Variants in HS3ST4 observed in about 807,000 individuals in gnomAD.
HS3ST4 encodes heparan sulfate-glucosamine 3-sulfotransferase 4, also known as heparan sulfate glucosamine 3-O-sulfotransferase 4.
Under a neutral mutation model 29.2 loss-of-function variants are expected in HS3ST4, and 17 were observed. The ratio of observed to expected loss-of-function variants is 0.58; its 90% CI spans 0.40 to 0.87. The LOEUF (loss-of-function observed/expected upper bound fraction) is 0.87. HS3ST4 is among the 40% of genes least tolerant of loss of function. The pLI, the probability that HS3ST4 is intolerant of heterozygous loss-of-function variation, is 0.00. For synonymous variants in HS3ST4, 314 were observed against 285.7 expected (o/e 1.10, Z -1.00); for missense variants, 627 against 634.5 (o/e 0.99, Z 0.13).
chr16:25,887,212 G>T (rs1047119039), intron 1 of HS3ST4, among the ~76,000 whole-genome samples: 2 of 152,112 alleles, frequency 1.3e-5, no homozygotes, highest in African/African-American at 4.8e-5. Flanking sequence ...GGAAGTTTCC[G>T]TTCTTTAGGC....
chr16:25,851,390 G>C, intron 1 of HS3ST4, among the ~76,000 whole-genome samples: 1 of 152,232 alleles, frequency 6.6e-6, no homozygotes, highest in East Asian at 1.9e-4. Flanking sequence ...TACAGAGCGG[G>C]CTCTTTGAGT....
chr16:25,699,901 G>A (rs1304354081), intron 1 of HS3ST4, among the ~76,000 whole-genome samples: 1 of 152,164 alleles, frequency 6.6e-6, no homozygotes, highest in East Asian at 1.9e-4. Flanking sequence ...CCTATGTAGA[G>A]CTTGTGACAG....
intron 1 of HS3ST4, among the ~76,000 whole-genome samples, chr16:25,880,843 G>A (rs1967887175): frequency 6.6e-6 from 1 of 152,232 alleles, no homozygotes; most frequent in Non-Finnish European, 1.5e-5. Context: ...TAAAGAGTAT[G>A]ACTCCAGTTA....
rs1490833577 is a variant in HS3ST4 at position 25,864,985 on chromosome 16, T to TACACACTC, written c.734+171841_734+171848dup. Among the ~76,000 whole-genome samples the TACACACTC allele has an allele frequency of 2.2e-5, 3 of 135,044 alleles. No homozygotes were observed. The East Asian group carries it at 7.4e-4, about 33-fold the overall frequency. 88.6% of individuals were successfully genotyped at this position (135,044 alleles called of 152,430 possible). On this transcript the variant is annotated intron_variant, in intron 1 of 1. Coordinates refer to ENST00000331351, the MANE Select transcript of HS3ST4 (RefSeq NM_006040.3). ...ATATACACACATACTCACACACACATACACACTCACACACACAAACACACA... is the reference window on the plus strand; with the variant it reads ...ATATACACACATACTCACACACACATACACACTCACACACTCACACACACAAACACACA...
chr16:26,054,324 AAGAAG>A (rs966281581), intron 1 of HS3ST4, among the ~76,000 whole-genome samples: 15 of 146,522 alleles, frequency 1.0e-4, no homozygotes, highest in African/African-American at 3.3e-4. Context: ...GAAGAAGAAG[AAGAAG>A]AGAAGAAGAA....
chr16:25,990,516 C>A (rs559955148), intron 1 of HS3ST4, among the ~76,000 whole-genome samples: 1 of 152,214 alleles, frequency 6.6e-6, no homozygotes, highest in Non-Finnish European at 1.5e-5. Flanking sequence ...TAATGCATAT[C>A]CAAAGAGACG....
In HS3ST4 at chr16:26,135,801, C is replaced by A; in HGVS notation, c.924C>A (p.Ile308=). Residue 308 remains isoleucine, a synonymous_variant, in exon 2 of 2, where the codon ATC becomes ATA. Coordinates refer to ENST00000331351, the MANE Select transcript of HS3ST4 (RefSeq NM_006040.3). ...AGACACTGTCAAAGAAACCCGAGAT[C>A]CCCACCTTTGAGGTGCTGGCCTTCA... ...YTQTLSKKPE[I]PTFEVLAFKN... 2 of 1,614,104 alleles carry A rather than the reference C, an allele frequency of 1.2e-6. No homozygotes were observed. The highest frequency in any genetic ancestry group is 1.3e-5 in the African/African-American group (1 of 75,044).
intron 1 of HS3ST4, among the ~76,000 whole-genome samples, chr16:25,760,480 G>A (rs942843542): frequency 2.7e-5 from 4 of 150,924 alleles, no homozygotes; most frequent in African/African-American, 4.9e-5. Flanking sequence ...GTGCAGTGGA[G>A]CAATCTGGGC....
At chr16:25,888,843 G>A (rs1240958626) in intron 1 of HS3ST4, among the ~76,000 whole-genome samples, 1 of 152,172 alleles carries the variant, frequency 6.6e-6, no homozygotes, top group East Asian at 1.9e-4. Context: ...ATGCTTGGAG[G>A]CCTGGAAGCT....
intron 1 of HS3ST4, among the ~76,000 whole-genome samples, chr16:25,749,417 C>T (rs1966704845): frequency 6.6e-6 from 1 of 152,068 alleles, no homozygotes; most frequent in South Asian, 2.1e-4. Flanking sequence ...ATCACCTGAA[C>T]CTGGGAAGTT....
chr16:25,847,797 A>G lies in HS3ST4; in HGVS notation c.734+154646A>G, dbSNP rs570728802. On this transcript the variant is annotated intron_variant, in intron 1 of 1. Coordinates refer to ENST00000331351, the MANE Select transcript of HS3ST4 (RefSeq NM_006040.3). ...GTGGCTAATTTCAGAAATCCTAATG[A>G]TGGATCATTATATCATTCCTGAGAA... Among the ~76,000 whole-genome samples the G allele has an allele frequency of 9.2e-5, 14 of 152,320 alleles. No homozygotes were observed. The South Asian group carries it at 2.9e-3, about 32-fold the overall frequency.
At chr16:25,942,284 C>A (rs1004518082) in intron 1 of HS3ST4, among the ~76,000 whole-genome samples, 1 of 152,166 alleles carries the variant, frequency 6.6e-6, no homozygotes, top group Non-Finnish European at 1.5e-5. Flanking sequence ...GGATTCTGAA[C>A]AATCTGGCCG....
chr16:25,702,516 C>CATTTCTTTCT (rs1248841701), intron 1 of HS3ST4, among the ~76,000 whole-genome samples: 1 of 152,132 alleles, frequency 6.6e-6, no homozygotes, highest in East Asian at 1.9e-4. Flanking sequence ...TCTAGGGTGG[C>CATTTCTTTCT]ATTTCTTTCT....
At chr16:26,091,298 G>A (rs1004862820) in intron 1 of HS3ST4, among the ~76,000 whole-genome samples, 2 of 152,134 alleles carry the variant, frequency 1.3e-5, no homozygotes, top group Non-Finnish European at 2.9e-5. Context: ...ATGTGATCAG[G>A]TGTGTTGTTG....
intron 1 of HS3ST4, among the ~76,000 whole-genome samples, chr16:26,081,369 C>A (rs1437213443): frequency 1.3e-5 from 2 of 151,918 alleles, no homozygotes; most frequent in African/African-American, 2.4e-5. Flanking sequence ...CACTGAGCCA[C>A]AGGATTTTGT....
At chr16:25,997,949 T>C (rs1437087748) in intron 1 of HS3ST4, among the ~76,000 whole-genome samples, 1 of 152,166 alleles carries the variant, frequency 6.6e-6, no homozygotes, top group African/African-American at 2.4e-5. Flanking sequence ...AAATAATGAA[T>C]ATTCAGCCAG....
chr16:25,857,523 G>A (rs1967585821), intron 1 of HS3ST4, among the ~76,000 whole-genome samples: 1 of 152,038 alleles, frequency 6.6e-6, no homozygotes, highest in Non-Finnish European at 1.5e-5. Context: ...TTGCTTCTGT[G>A]TCCCTAAGTG....
intron 1 of HS3ST4, among the ~76,000 whole-genome samples, chr16:25,840,563 G>A (rs1026149879): frequency 2.0e-5 from 3 of 152,058 alleles, no homozygotes; most frequent in Non-Finnish European, 4.4e-5. Flanking sequence ...ATATTATGAT[G>A]GTAAAGATAA....
At chr16:25,792,990 T>A (rs1003392944) in intron 1 of HS3ST4, among the ~76,000 whole-genome samples, 4 of 152,074 alleles carry the variant, frequency 2.6e-5, no homozygotes, top group East Asian at 1.9e-4. Flanking sequence ...ATAAATATTT[T>A]CTAATTTTTA....
Sources: allele counts gnomAD v4.1 joint callset (sites outside exome capture counted in the v4.1 genomes callset), GRCh38; gene constraint gnomAD v4.1.1; transcripts MANE v1.5; gene names NCBI Gene and HGNC (gene_info 2026-07-23, HGNC 2026-07-21).